SAMD12: variants seen among roughly 807,000 people sequenced by gnomAD.
SAMD12 encodes the protein sterile alpha motif domain-containing protein 12.
In SAMD12, 9 loss-of-function variants were observed where a neutral mutation model predicts 15.0. The observed-to-expected ratio is 0.60, with a 90% CI of 0.36 to 1.05. The LOEUF is 1.05. SAMD12 is among the 50% of genes least tolerant of loss of function. The probability of loss-of-function intolerance (pLI) is 0.01; values close to 1 mark genes in which losing one functional copy is unlikely to be tolerated. For synonymous variants in SAMD12, 86 were observed against 90.1 expected (o/e 0.96, Z 0.25); for missense variants, 230 against 234.2 (o/e 0.98, Z 0.12).
At chr8:118,278,967 AG>A (rs996716856) in intron 4 of SAMD12, among the ~76,000 whole-genome samples, 14 of 152,196 alleles carry the variant, frequency 9.2e-5, no homozygotes, top group Admixed American at 4.6e-4. Flanking sequence ...TACAATTTAG[AG>A]AAAAAAGTAT....
intron 2 of SAMD12, among the ~76,000 whole-genome samples, chr8:118,502,012 T>G (rs112332645): frequency 0.057 from 6,686 of 118,092 alleles, 520 homozygotes; most frequent in African/African-American, 0.22. Context: ...AGAGCGAGAC[T>G]CCGTCTCAAA....
intron 4 of SAMD12, among the ~76,000 whole-genome samples, chr8:118,347,595 C>T (rs960594065): frequency 6.6e-6 from 1 of 152,220 alleles, no homozygotes; most frequent in African/African-American, 2.4e-5. Context: ...AGAAGTACTA[C>T]ACTATAAAAG....
chr8:118,321,147 ATATATAT>A (rs1563761477), intron 4 of SAMD12, among the ~76,000 whole-genome samples: 1 of 6,430 alleles, frequency 1.6e-4, no homozygotes, highest in African/African-American at 3.8e-4. Context: ...GATAATAAAT[ATATATAT>A]ATATATATAT....
intron 2 of SAMD12, among the ~76,000 whole-genome samples, chr8:118,570,720 C>T (rs554278885): frequency 3.4e-5 from 5 of 148,588 alleles, no homozygotes; most frequent in Admixed American, 6.6e-5. Flanking sequence ...TATATTATAC[C>T]CAGTTATGAG....
At chr8:118,395,845 C>T (rs969945072) in intron 3 of SAMD12, among the ~76,000 whole-genome samples, 1 of 151,276 alleles carries the variant, frequency 6.6e-6, no homozygotes, top group Non-Finnish European at 1.5e-5. Context: ...GTAGTCCCAG[C>T]TACTCGGGAG....
the SAMD12 span, among the ~76,000 whole-genome samples, chr8:118,134,585 T>C: frequency 6.6e-6 from 1 of 152,122 alleles, no homozygotes; most frequent in Admixed American, 6.5e-5. Flanking sequence ...AACCAGAAAC[T>C]CTGGAGCAGG....
chr8:118,269,253 TGTGTGTG>T (rs1563723633), intron 4 of SAMD12, among the ~76,000 whole-genome samples: 38 of 149,340 alleles, frequency 2.5e-4, no homozygotes, highest in African/African-American at 8.9e-4. Context: ...TGTGTGTGTG[TGTGTGTG>T]TAAGCAGGAA....
chr8:118,197,673 C>T (rs755465474), exon 5 of SAMD12: 1 of 1,584,668 alleles, frequency 6.3e-7, no homozygotes, highest in Non-Finnish European at 8.7e-7. Flanking sequence ...ATGTTCATAT[C>T]AACTGGCAGG....
downstream of SAMD12, among the ~76,000 whole-genome samples, chr8:118,187,698 G>A (rs1449069168): frequency 1.3e-5 from 2 of 152,162 alleles, no homozygotes; most frequent in Non-Finnish European, 2.9e-5. Context: ...TATTGGCAAA[G>A]TGATATATAG....
At chr8:118,222,286 T>C (rs1321536354) in intron 4 of SAMD12, among the ~76,000 whole-genome samples, 1 of 151,904 alleles carries the variant, frequency 6.6e-6, no homozygotes, top group Non-Finnish European at 1.5e-5. Flanking sequence ...CTGCAGGACA[T>C]CCATGTGGGC....
At chr8:118,549,047 A>G in intron 2 of SAMD12, among the ~76,000 whole-genome samples, 1 of 152,262 alleles carries the variant, frequency 6.6e-6, no homozygotes, top group Non-Finnish European at 1.5e-5. Flanking sequence ...GGTGGAGCCC[A>G]CCACAGCTCA....
chr8:118,244,702 A>G (rs1812646814), intron 4 of SAMD12, among the ~76,000 whole-genome samples: 1 of 152,168 alleles, frequency 6.6e-6, no homozygotes, highest in South Asian at 2.1e-4. Context: ...TAGAATGAGG[A>G]CTAGTGCTCA....
intron 2 of SAMD12, among the ~76,000 whole-genome samples, chr8:118,483,912 A>C (rs528244616): frequency 6.6e-6 from 1 of 152,252 alleles, no homozygotes; most frequent in African/African-American, 2.4e-5. Flanking sequence ...TTCAATCAGC[A>C]TATATACACC....
At chr8:118,548,147 C>G (rs1270366978) in intron 2 of SAMD12, among the ~76,000 whole-genome samples, 2 of 152,130 alleles carry the variant, frequency 1.3e-5, no homozygotes, top group African/African-American at 4.8e-5. Flanking sequence ...CATCCAGGGC[C>G]TCAAGTTCCC....
intron 4 of SAMD12, among the ~76,000 whole-genome samples, chr8:118,201,225 C>T (rs1385421544): frequency 6.6e-6 from 1 of 152,200 alleles, no homozygotes; most frequent in African/African-American, 2.4e-5. Context: ...CCCTGTGCTT[C>T]AGCCATCCCA....
chr8:118,134,740 G>A, the SAMD12 span, among the ~76,000 whole-genome samples: 2 of 152,174 alleles, frequency 1.3e-5, no homozygotes, highest in African/African-American at 4.8e-5. Context: ...TTAGTCTGCT[G>A]CTAACTTGTC....
Position 118,222,085 on chromosome 8 carries a change from C to T in SAMD12, c.434-24353G>A, listed in dbSNP as rs1812093592. 2.6e-5 allele frequency among the ~76,000 whole-genome samples: 4 copies of T among 152,094 alleles called. No individual in the cohort carries two copies. In the South Asian group the frequency reaches 8.3e-4, roughly 32 times the overall value. On this transcript the variant is annotated intron_variant, in intron 4 of 4. Transcript: ENST00000409003. The stretch of plus-strand genomic sequence containing the variant: ...GAGGGAAGACGTTTTTGTTTGACAT[C>T]TAAAAAAGAAAATCCTGGGTTGGCT...
At chr8:118,462,417 AC>A (rs1823450074) in intron 2 of SAMD12, among the ~76,000 whole-genome samples, 1 of 152,174 alleles carries the variant, frequency 6.6e-6, no homozygotes, top group Non-Finnish European at 1.5e-5. Context: ...TATTTAAGGG[AC>A]TGTGCAGGGG....
intron 2 of SAMD12, among the ~76,000 whole-genome samples, chr8:118,538,343 T>G (rs939283161): frequency 1.3e-5 from 2 of 152,198 alleles, no homozygotes; most frequent in African/African-American, 4.8e-5. Flanking sequence ...AGAACTGTAG[T>G]CCTTGTGGCT....
Sources: gnomAD v4.1 joint callset for allele counts (sites outside exome capture counted in the v4.1 genomes callset) on GRCh38, gnomAD v4.1.1 for gene constraint, MANE v1.5 for transcripts, NCBI Gene and HGNC (gene_info 2026-07-23, HGNC 2026-07-21) for gene names.